ZNF79: variants seen among roughly 807,000 people sequenced by gnomAD.
ZNF79 encodes the protein ZNFpT7.
Under a neutral mutation model 14.9 loss-of-function variants are expected in ZNF79, and 13 were observed. That is an observed-to-expected ratio of 0.87 (90% confidence interval 0.57 to 1.38). The LOEUF (loss-of-function observed/expected upper bound fraction) is 1.38. Ranked by LOEUF, ZNF79 falls within the 40% of genes most tolerant of loss-of-function variation. ZNF79 has a pLI of 0.00. For synonymous variants in ZNF79, 223 were observed against 235.1 expected (o/e 0.95, Z 0.47); for missense variants, 631 against 630.6 (o/e 1.00, Z -0.01).
chr9:127,442,167 G>A (rs539995509), intron 4 of ZNF79, among the ~76,000 whole-genome samples: 10 of 151,980 alleles, frequency 6.6e-5, no homozygotes, highest in South Asian at 2.1e-4. Flanking sequence ...TTGGGAGGCC[G>A]AGGTGAGTGG....
intron 1 of ZNF79, 84 bp downstream of exon 1, chr9:127,424,887 G>A (rs1410763221): frequency 6.3e-7 from 1 of 1,596,548 alleles, no homozygotes; most frequent in East Asian, 2.3e-5. Context: ...AGCCGAATCA[G>A]AACTCTCTTT....
intron 4 of ZNF79, among the ~76,000 whole-genome samples, chr9:127,439,352 A>G (rs7868891): frequency 0.022 from 3,318 of 152,332 alleles, 142 homozygotes; most frequent in African/African-American, 0.076. Flanking sequence ...AAAAATGTAG[A>G]TGATAAAATC....
rs906623982 is a variant in ZNF79, at chr9:127,445,171, C to T, written c.1471C>T (p.His491Tyr). ...AFRCSSAFVRHQRLHAGE is the reference protein window; with the variant it reads ...AFRCSSAFVRYQRLHAGE ...CCGGTGCAGCTCTGCCTTCGTTAGACATCAGAGACTCCACGCCGGAGAGTA... is the reference window on the plus strand; with the variant it reads ...CCGGTGCAGCTCTGCCTTCGTTAGATATCAGAGACTCCACGCCGGAGAGTA... Residue 491 changes from histidine to tyrosine, a missense_variant, in exon 5 of 5, where the codon CAT (histidine) becomes TAT (tyrosine). His to Tyr is a moderately conservative substitution (Grantham distance 83). Transcript: ENST00000342483. The T allele has an allele frequency of 1.2e-6, 2 of 1,614,144 alleles. No homozygotes were observed. The highest frequency in any genetic ancestry group is 1.7e-6 in the Non-Finnish European group (2 of 1,179,996).
chr9:127,435,471 A>G (rs1237721365), intron 3 of ZNF79, among the ~76,000 whole-genome samples: 1 of 152,130 alleles, frequency 6.6e-6, no homozygotes, highest in African/African-American at 2.4e-5. Flanking sequence ...CATTTCCTCT[A>G]TGTTCAGTAC....
At chr9:127,424,937 T>G (rs1041358308) in intron 1 of ZNF79, 134 bp downstream of exon 1, 10 of 1,533,248 alleles carry the variant, frequency 6.5e-6, no homozygotes, top group Non-Finnish European at 8.8e-6. Flanking sequence ...ATTTTTTCTT[T>G]CTTTGCCCAT....
At chr9:127,438,090 G>A (rs10987651) in intron 4 of ZNF79, among the ~76,000 whole-genome samples, 16,296 of 152,014 alleles carry the variant, frequency 0.11, 1,401 homozygotes, top group Admixed American at 0.28. Flanking sequence ...CTGCCCTTAC[G>A]CACAGCAGGA....
Position 127,428,926 on chromosome 9 carries a change from T to G in ZNF79, c.105+6T>G. The G allele has an allele frequency of 1.3e-6, 2 of 1,571,170 alleles. No homozygotes were observed. Among genetic ancestry groups the G allele is most frequent in the South Asian group, 1.2e-5 (1 of 84,794 alleles). ...TCCTCACAGCTGGGCCCCGGGTAAGTTGGAAATTAACTTTGGAAGGCATCC... is the reference window on the plus strand; with the variant it reads ...TCCTCACAGCTGGGCCCCGGGTAAGGTGGAAATTAACTTTGGAAGGCATCC... On this transcript the variant is annotated splice_donor_region_variant and intron_variant, in intron 2 of 4. Coordinates refer to ENST00000342483, the MANE Select transcript of ZNF79 (RefSeq NM_007135.3).
At position 127,444,483 on chromosome 9, in the gene ZNF79, C is replaced by T. The variant is rs2248025; in HGVS notation, c.783C>T (p.Asn261=). The T allele has an allele frequency of 0.46, 735,647 of 1,613,568 alleles. 174,546 individuals are homozygous for T. Among genetic ancestry groups the T allele is most frequent in the Non-Finnish European group, 0.49 (573,967 of 1,179,908 alleles). ...CSECGRAFSQ[N]ANLTKHQRTH... ...AATGTGGAAGAGCCTTCAGCCAGAA[C>T]GCCAACCTCACCAAACACCAGCGAA... Residue 261 remains asparagine (N), a synonymous_variant, in exon 5 of 5, where the codon AAC becomes AAT. Coordinates refer to ENST00000342483, the MANE Select transcript of ZNF79 (RefSeq NM_007135.3).
At chr9:127,435,343 T>A (rs1056143194) in intron 3 of ZNF79, 127 bp downstream of exon 3, 1 of 1,171,614 alleles carries the variant, frequency 8.5e-7, no homozygotes, top group Admixed American at 3.3e-5. Flanking sequence ...TTCCTCTTGT[T>A]CTCTTGGGGA....
chr9:127,438,248 TC>T (rs1274268056), intron 4 of ZNF79, among the ~76,000 whole-genome samples: 1 of 152,094 alleles, frequency 6.6e-6, no homozygotes, highest in African/African-American at 2.4e-5. Flanking sequence ...TTCCCACCAG[TC>T]GCAAGTCCAG....
chr9:127,425,464 C>T (rs145858462), intron 1 of ZNF79, among the ~76,000 whole-genome samples: 1 of 152,146 alleles, frequency 6.6e-6, no homozygotes, highest in African/African-American at 2.4e-5. Context: ...TAAGTCTTAA[C>T]CACCAACACC....
chr9:127,441,441 TC>T (rs1274993396), intron 4 of ZNF79, among the ~76,000 whole-genome samples: 1 of 152,116 alleles, frequency 6.6e-6, no homozygotes, highest in Non-Finnish European at 1.5e-5. Context: ...TACACAATTT[TC>T]CCAAAGTCAC....
Position 127,444,277 on chromosome 9 carries a change from T to C in ZNF79, c.577T>C (p.Tyr193His), listed in dbSNP as rs768716200. The change falls in exon 5 of 5, where the codon TAT becomes CAT. Residue 193 changes from tyrosine to histidine, a missense_variant. By Grantham distance (83) the Tyr-to-His change is moderately conservative (BLOSUM62 2). Transcript: ENST00000342483. Reference protein sequence around the residue: ...EILKPHRAKPYACNECGKAFS... With the variant: ...EILKPHRAKPHACNECGKAFS... ...CCTGAAACCTCACAGAGCAAAACCA[T>C]ATGCATGTAATGAATGTGGCAAAGC... The C allele has an allele frequency of 2.5e-6, 4 of 1,613,764 alleles. No homozygotes were observed. In the East Asian group the frequency reaches 6.7e-5, roughly 27 times the overall value.
intron 4 of ZNF79, among the ~76,000 whole-genome samples, chr9:127,437,417 A>G (rs1833970422): frequency 6.6e-6 from 1 of 152,002 alleles, no homozygotes; most frequent in South Asian, 2.1e-4. Context: ...AGCTTCAGAA[A>G]TTGAGAGCAG....
At chr9:127,433,594 A>G (rs1833897384) in intron 2 of ZNF79, among the ~76,000 whole-genome samples, 2 of 152,142 alleles carry the variant, frequency 1.3e-5, no homozygotes, top group Admixed American at 6.5e-5. Context: ...GCTTTGTTAC[A>G]TGAACAGCTT....
Position 127,433,418 on chromosome 9 carries a change from G to A in ZNF79, c.106-1672G>A, listed in dbSNP as rs190355870. ...GCAGGTGAAGATGGGTTTCTCTGTTGCATTTTGTTGAGTTTGAGGTTCCTG... is the reference window on the plus strand; with the variant it reads ...GCAGGTGAAGATGGGTTTCTCTGTTACATTTTGTTGAGTTTGAGGTTCCTG... On this transcript the variant is annotated intron_variant, in intron 2 of 4. Coordinates refer to ENST00000342483, the MANE Select transcript of ZNF79 (RefSeq NM_007135.3). 2.0e-3 allele frequency among the ~76,000 whole-genome samples: 307 copies of A among 152,270 alleles called. 1 individual carries two copies. Among genetic ancestry groups the A allele is most frequent in the Non-Finnish European group, 3.5e-3 (239 of 68,022 alleles).
In ZNF79 at chr9:127,444,380, G is replaced by A; in HGVS notation, c.680G>A (p.Gly227Glu). The change falls in exon 5 of 5, where the codon GGG (glycine) becomes GAG (glutamate). Residue 227 changes from glycine (G) to glutamate (E), a missense_variant. Gly to Glu is a moderately conservative substitution (Grantham distance 98, BLOSUM62 -2). Coordinates refer to ENST00000342483, the MANE Select transcript of ZNF79 (RefSeq NM_007135.3). Reference sequence around the variant, plus strand: ...AAGCCCTATGAGTGCAGTGAATGTGGGAAGGCCTTCAGCCAGAGCTCATCT... The same window carrying A: ...AAGCCCTATGAGTGCAGTGAATGTGAGAAGGCCTTCAGCCAGAGCTCATCT... Reference protein sequence around the residue: ...GEKPYECSECGKAFSQSSSLI... With the variant: ...GEKPYECSECEKAFSQSSSLI... 6.2e-7 allele frequency: 1 copy of A among 1,612,568 alleles called. No homozygotes were observed. The highest frequency in any genetic ancestry group is 8.5e-7 in the Non-Finnish European group (1 of 1,178,774).
chr9:127,443,992 A>G, intron 4 of ZNF79, 37 bp from the exon 5 acceptor site: 1 of 1,531,462 alleles, frequency 6.5e-7, no homozygotes, highest in South Asian at 1.3e-5. Context: ...TATTCCTTCC[A>G]CCAAGGGAAC....
chr9:127,430,960 C>CA (rs1427227409), intron 2 of ZNF79, among the ~76,000 whole-genome samples: 1 of 152,122 alleles, frequency 6.6e-6, no homozygotes, highest in Non-Finnish European at 1.5e-5. Flanking sequence ...TTTACTTTGT[C>CA]ATATTAGCCA....
Sources: allele counts gnomAD v4.1 joint callset (sites outside exome capture counted in the v4.1 genomes callset), GRCh38; gene constraint gnomAD v4.1.1; transcripts MANE v1.5; gene names NCBI Gene and HGNC (gene_info 2026-07-23, HGNC 2026-07-21).